ARHGAP24: variants seen among roughly 807,000 people sequenced by gnomAD.
ARHGAP24 encodes Rho GTPase activating protein 24.
ARHGAP24 carries 50 observed loss-of-function variants against 76.4 expected under a neutral mutation model. That is an observed-to-expected ratio of 0.65 (90% confidence interval 0.52 to 0.83). ARHGAP24 has a LOEUF of 0.83. Among genes scored for constraint, ARHGAP24 ranks in the 40% least tolerant of loss-of-function variants. The probability of loss-of-function intolerance (pLI) is 0.00; values close to 1 mark genes in which losing one functional copy is unlikely to be tolerated. For missense variants in ARHGAP24, 930 were observed against 914.2 expected (o/e 1.02, Z -0.22); for synonymous variants, 345 against 323.3 (o/e 1.07, Z -0.72).
At chr4:85,841,800 T>C (rs1730607373) in intron 3 of ARHGAP24, among the ~76,000 whole-genome samples, 1 of 152,206 alleles carries the variant, frequency 6.6e-6, no homozygotes, top group African/African-American at 2.4e-5. Context: ...ATCAGCAGGA[T>C]GCTCCTTGGT....
At chr4:85,548,844 A>G (rs906989415) in intron 1 of ARHGAP24, among the ~76,000 whole-genome samples, 1 of 152,140 alleles carries the variant, frequency 6.6e-6, no homozygotes, top group African/African-American at 2.4e-5. Context: ...CCTCAGGAGT[A>G]GCTAGTTTCC....
At chr4:85,786,305 A>G (rs999403455) in intron 3 of ARHGAP24, among the ~76,000 whole-genome samples, 7 of 152,172 alleles carry the variant, frequency 4.6e-5, no homozygotes, top group African/African-American at 1.7e-4. Flanking sequence ...GCAGAAATAA[A>G]CCTGAGGCTT....
chr4:85,513,087 T>G (rs1392738758), intron 1 of ARHGAP24, among the ~76,000 whole-genome samples: 2 of 152,248 alleles, frequency 1.3e-5, no homozygotes, highest in African/African-American at 4.8e-5. Flanking sequence ...GTCATTTCTT[T>G]GGCTAAACAC....
intron 1 of ARHGAP24, among the ~76,000 whole-genome samples, chr4:85,482,070 A>C (rs1031540739): frequency 2.0e-5 from 3 of 152,194 alleles, no homozygotes; most frequent in Admixed American, 2.0e-4. Flanking sequence ...ATCTGGTTTA[A>C]AATTTTCTTA....
intron 2 of ARHGAP24, among the ~76,000 whole-genome samples, chr4:85,648,653 G>T (rs1421865959): frequency 6.6e-6 from 1 of 152,076 alleles, no homozygotes; most frequent in Non-Finnish European, 1.5e-5. Flanking sequence ...AGTGGAAACT[G>T]TTATTTCCTC....
chr4:85,516,640 G>GT (rs1560516479), intron 1 of ARHGAP24, among the ~76,000 whole-genome samples: 1 of 148,752 alleles, frequency 6.7e-6, no homozygotes, highest in East Asian at 2.0e-4. Context: ...AGATTTTGTG[G>GT]GTTTTTTTCT....
intron 3 of ARHGAP24, among the ~76,000 whole-genome samples, chr4:85,889,289 G>A (rs1328095184): frequency 1.3e-5 from 2 of 152,092 alleles, no homozygotes; most frequent in South Asian, 2.1e-4. Flanking sequence ...GGTAATGTCC[G>A]GCAAGATAGA....
At chr4:85,830,248 A>G (rs184555481) in intron 3 of ARHGAP24, among the ~76,000 whole-genome samples, 2 of 152,284 alleles carry the variant, frequency 1.3e-5, no homozygotes, top group East Asian at 3.9e-4. Flanking sequence ...AGCAGTTTTG[A>G]TGTATCCCTT....
At chr4:85,806,177 C>A (rs940090157) in intron 3 of ARHGAP24, among the ~76,000 whole-genome samples, 41 of 152,114 alleles carry the variant, frequency 2.7e-4, no homozygotes, top group Non-Finnish European at 4.4e-4. Context: ...AGTATTTTTA[C>A]CCCTGACCTC....
chr4:85,920,555 C>T (rs369076197), intron 3 of ARHGAP24, among the ~76,000 whole-genome samples: 11 of 152,224 alleles, frequency 7.2e-5, no homozygotes, highest in African/African-American at 2.6e-4. Context: ...CAAAGAACTT[C>T]TGCACAGCAA....
intron 9 of ARHGAP24, among the ~76,000 whole-genome samples, chr4:85,995,911 G>A (rs1740634145): frequency 6.6e-6 from 1 of 152,060 alleles, no homozygotes; most frequent in African/African-American, 2.4e-5. Flanking sequence ...CATTTCCCTG[G>A]TACAGAATAG....
At chr4:85,769,810 A>G (rs1328212847) in intron 3 of ARHGAP24, among the ~76,000 whole-genome samples, 1 of 152,020 alleles carries the variant, frequency 6.6e-6, no homozygotes, top group Non-Finnish European at 1.5e-5. Flanking sequence ...GCTGGTCTTG[A>G]ACTCTTGACC....
intron 3 of ARHGAP24, among the ~76,000 whole-genome samples, chr4:85,907,677 G>A (rs1177510471): frequency 6.6e-6 from 1 of 152,084 alleles, no homozygotes; most frequent in African/African-American, 2.4e-5. Flanking sequence ...ATTAGAAATT[G>A]GAGATTCATA....
chr4:85,918,943 A>G (rs1479319438), intron 3 of ARHGAP24, among the ~76,000 whole-genome samples: 1 of 152,216 alleles, frequency 6.6e-6, no homozygotes, highest in Non-Finnish European at 1.5e-5. Flanking sequence ...CAAATCTAGT[A>G]TCATTTAAAG....
chr4:85,627,180 T>A (rs1720987715), intron 2 of ARHGAP24, among the ~76,000 whole-genome samples: 2 of 152,222 alleles, frequency 1.3e-5, no homozygotes, highest in African/African-American at 4.8e-5. Flanking sequence ...TTTTCTGCTC[T>A]GTTTTTTCCC....
chr4:85,918,728 A>T (rs974781073), intron 3 of ARHGAP24, among the ~76,000 whole-genome samples: 7 of 152,144 alleles, frequency 4.6e-5, no homozygotes, highest in African/African-American at 1.7e-4. Flanking sequence ...TTTATGTCAA[A>T]TCCAAATATA....
intron 9 of ARHGAP24, among the ~76,000 whole-genome samples, chr4:85,996,603 A>G (rs182796266): frequency 9.2e-4 from 140 of 152,334 alleles, no homozygotes; most frequent in African/African-American, 3.2e-3. Context: ...GGCAAAATAA[A>G]TATTAAAAAA....
intron 3 of ARHGAP24, among the ~76,000 whole-genome samples, chr4:85,735,872 T>C (rs2110056242): frequency 6.6e-6 from 1 of 152,264 alleles, no homozygotes; most frequent in East Asian, 1.9e-4. Flanking sequence ...TTTTTTATAT[T>C]CAAGTATGAT....
At chr4:85,785,333 T>C (rs908168135) in intron 3 of ARHGAP24, among the ~76,000 whole-genome samples, 4 of 152,196 alleles carry the variant, frequency 2.6e-5, no homozygotes, top group African/African-American at 7.2e-5. Flanking sequence ...TGAGTTCAAT[T>C]TGGGTTTTGA....
Sources: gnomAD v4.1 joint callset for allele counts (sites outside exome capture counted in the v4.1 genomes callset) on GRCh38, gnomAD v4.1.1 for gene constraint, MANE v1.5 for transcripts, NCBI Gene and HGNC (gene_info 2026-07-23, HGNC 2026-07-21) for gene names.